The following ZNF875 variants were observed in gnomAD, a reference collection of about 807,000 sequenced individuals.
ZNF875 encodes HKR1, GLI-Kruppel zinc finger family member.
A neutral mutation model predicts 11.2 loss-of-function variants in ZNF875; 14 were observed. The ratio of observed to expected loss-of-function variants is 1.26; its 90% CI spans 0.83 to 1.96. ZNF875 has a LOEUF of 1.96. ZNF875 is among the 30% of genes most tolerant of loss of function. The probability of loss-of-function intolerance (pLI) is 0.00; values close to 1 mark genes in which losing one functional copy is unlikely to be tolerated. For missense variants in ZNF875, 752 were observed against 760.4 expected (o/e 0.99, Z 0.13); for synonymous variants, 301 against 281.1 (o/e 1.07, Z -0.71).
intron 2 of ZNF875, among the ~76,000 whole-genome samples, chr19:37,338,200 G>T (rs1019489640): frequency 6.6e-6 from 1 of 152,156 alleles, no homozygotes; most frequent in East Asian, 1.9e-4. Flanking sequence ...TTGGCTTACT[G>T]CAGTCTCCGC....
intron 2 of ZNF875, among the ~76,000 whole-genome samples, chr19:37,342,574 G>C (rs749912826): frequency 2.6e-4 from 39 of 152,006 alleles, no homozygotes; most frequent in Admixed American, 1.1e-3. Flanking sequence ...CACCACACCT[G>C]GGTAATTTTG....
chr19:37,319,351 A>ATATG (rs2030849035), intron 1 of ZNF875, among the ~76,000 whole-genome samples: 1 of 142,074 alleles, frequency 7.0e-6, no homozygotes, highest in Admixed American at 7.0e-5. Flanking sequence ...CGGCATATAT[A>ATATG]TATATATATA....
In ZNF875 at chr19:37,363,351, ACT is replaced by A. The variant is rs1391502968; in HGVS notation, c.1501_1502del (p.Ser501ArgfsTer9). The A allele has an allele frequency of 2.1e-5, 34 of 1,611,016 alleles. No homozygotes were observed. Among genetic ancestry groups the A allele is most frequent in the Non-Finnish European group, 2.5e-5 (30 of 1,178,022 alleles). On this transcript the variant is annotated frameshift_variant, in exon 5 of 5. Transcript: ENST00000392153. LOFTEE classifies it low-confidence loss of function (END_TRUNC). ...ACCCTGAGCACGCACCAGAGGACACACTCAGGGGAGAAGCCATTTGTATGTGC... is the reference window on the plus strand; with the variant it reads ...ACCCTGAGCACGCACCAGAGGACACACAGGGGAGAAGCCATTTGTATGTGC...
intron 2 of ZNF875, chr19:37,346,267 T>A (rs2036745195): frequency 6.6e-6 from 1 of 152,222 alleles, no homozygotes; most frequent in Non-Finnish European, 1.5e-5. Context: ...AGCTGTGAGA[T>A]AAGCACTGTT....
chr19:37,346,330 A>C (rs1294578607), intron 2 of ZNF875: 1 of 152,124 alleles, frequency 6.6e-6, no homozygotes, highest in African/African-American at 2.4e-5. Flanking sequence ...TCAGTGCCTG[A>C]GGTTACACTA....
upstream of ZNF875, among the ~76,000 whole-genome samples, chr19:37,317,367 C>T (rs1347112852): frequency 6.6e-6 from 1 of 151,724 alleles, no homozygotes; most frequent in African/African-American, 2.4e-5. Context: ...TTTGTATTTT[C>T]AGTAGAGACG....
intron 4 of ZNF875, among the ~76,000 whole-genome samples, chr19:37,327,099 C>T (rs2145763534): frequency 6.6e-6 from 1 of 151,504 alleles, no homozygotes; most frequent in African/African-American, 2.4e-5. Context: ...CCAAGCAGTT[C>T]TCCCTGCCTC....
chr19:37,363,450 CT>C lies in ZNF875; in HGVS notation c.1602del (p.Phe534LeufsTer40). 6.2e-7 allele frequency: 1 copy of C among 1,613,900 alleles called. No individual in the cohort carries two copies. On this transcript the variant is annotated frameshift_variant, in exon 5 of 5. Coordinates refer to ENST00000392153, the MANE Select transcript of ZNF875 (RefSeq NM_001353803.2). LOFTEE classifies it low-confidence loss of function (END_TRUNC). ...CAGAGGACACATTCAGGGGAAAAGC[CT>C]TTTATGTGCAGGGAGTGTGGCAGAA... ...SHQRTHSGEK[P>X]FMCRECGRRF...
Position 37,347,237 on chromosome 19 carries a change from G to C in ZNF875, c.81G>C (p.Glu27Asp). The change falls in exon 3 of 5, where the codon GAG (glutamate) becomes GAC (aspartate). Residue 27 changes from glutamate (E) to aspartate (D), a missense_variant. Transcript: ENST00000392153. ...RDVAVYFTQE[E>D]WRLLSPAQRT... Reference sequence around the variant, plus strand: ...TGGCTGTGTACTTCACCCAGGAGGAGTGGAGGTTGTTGAGCCCTGCTCAGA... The same window carrying C: ...TGGCTGTGTACTTCACCCAGGAGGACTGGAGGTTGTTGAGCCCTGCTCAGA... 6.2e-7 allele frequency: 1 copy of C among 1,614,180 alleles called. No individual in the cohort carries two copies. Among genetic ancestry groups the C allele is most frequent in the Non-Finnish European group, 8.5e-7 (1 of 1,180,026 alleles).
intron 3 of ZNF875, 149 bp from the exon 4 acceptor site, chr19:37,347,628 T>C (rs2037062392): frequency 1.6e-6 from 1 of 629,644 alleles, no homozygotes; most frequent in Non-Finnish European, 2.8e-6. Flanking sequence ...GGAGTCACCT[T>C]TCCTTAGTCA....
rs755956167 is a variant in ZNF875 at position 37,363,652 on chromosome 19, G to T, written c.1800G>T (p.Gln600His). The change falls in exon 5 of 5, where the codon CAG becomes CAT. Residue 600 changes from glutamine to histidine, a missense_variant. Coordinates refer to ENST00000392153, the MANE Select transcript of ZNF875 (RefSeq NM_001353803.2). Reference sequence around the variant, plus strand: ...AGTGTGGGCAAGGCTTTAGCCGGCAGTCACACCTCATTAGACACCAGAGGA... The same window carrying T: ...AGTGTGGGCAAGGCTTTAGCCGGCATTCACACCTCATTAGACACCAGAGGA... ...CRECGQGFSRQSHLIRHQRTH... is the reference protein window; with the variant it reads ...CRECGQGFSRHSHLIRHQRTH... 6 of 1,613,366 alleles carry T rather than the reference G, an allele frequency of 3.7e-6. No individual in the cohort carries two copies. Among genetic ancestry groups the T allele is most frequent in the Non-Finnish European group, 5.1e-6 (6 of 1,179,666 alleles).
upstream of ZNF875, among the ~76,000 whole-genome samples, chr19:37,333,261 CTTTCTTAAGT>C (rs1315343678): frequency 1.4e-5 from 2 of 141,850 alleles, no homozygotes; most frequent in Non-Finnish European, 3.1e-5. Flanking sequence ...CCTACCATAT[CTTTCTTAAGT>C]TTTCTAGTCC....
upstream of ZNF875, chr19:37,314,894 T>C (rs2030119909): frequency 6.6e-6 from 1 of 151,778 alleles, no homozygotes; most frequent in South Asian, 2.1e-4. Flanking sequence ...TATTGAGAAA[T>C]ATTAATAACA....
At chr19:37,345,866 C>T (rs569077370) in intron 2 of ZNF875, among the ~76,000 whole-genome samples, 3 of 152,208 alleles carry the variant, frequency 2.0e-5, no homozygotes, top group African/African-American at 4.8e-5. Context: ...GAAATCTCAC[C>T]GAACTTCCAT....
chr19:37,318,212 C>T (rs765225508), intron 1 of ZNF875: 6 of 152,888 alleles, frequency 3.9e-5, no homozygotes, highest in Non-Finnish European at 8.8e-5. Context: ...TTTCAGCCCA[C>T]TCGGGTAAAA....
chr19:37,323,544 G>C (rs984215620), exon 3 of ZNF875: 4 of 152,138 alleles, frequency 2.6e-5, no homozygotes, highest in Non-Finnish European at 5.9e-5. Flanking sequence ...TCCAGATTTG[G>C]AACAAGTCTC....
At chr19:37,317,792 T>C (rs1362058202), upstream of ZNF875, 1 of 152,292 alleles carries the variant, frequency 6.6e-6, no homozygotes, top group Non-Finnish European at 1.5e-5. Context: ...ACCGAGAGCG[T>C]CCCTTCCTTT....
chr19:37,324,033 G>T (rs1017133456), intron 3 of ZNF875, among the ~76,000 whole-genome samples: 7 of 152,358 alleles, frequency 4.6e-5, no homozygotes, highest in Admixed American at 4.6e-4. Flanking sequence ...GATCCTAACA[G>T]TTTAAAATTG....
At chr19:37,338,177 C>T (rs1347462688) in intron 2 of ZNF875, among the ~76,000 whole-genome samples, 4 of 152,212 alleles carry the variant, frequency 2.6e-5, no homozygotes, top group African/African-American at 7.2e-5. Flanking sequence ...GGCTGCAGTG[C>T]AGTGGCACGA....
Sources: gnomAD v4.1 joint callset for allele counts (sites outside exome capture counted in the v4.1 genomes callset) on GRCh38, gnomAD v4.1.1 for gene constraint, MANE v1.5 for transcripts, NCBI Gene and HGNC (gene_info 2026-07-23, HGNC 2026-07-21) for gene names.